PI4KA: variants seen among roughly 807,000 people sequenced by gnomAD.
PI4KA encodes phosphatidylinositol 4-kinase alpha.
Under a neutral mutation model 271.4 loss-of-function variants are expected in PI4KA, and 122 were observed. The observed-to-expected ratio is 0.45, with a 90% confidence interval of 0.39 to 0.52. PI4KA has a LOEUF of 0.52. Among genes scored for constraint, PI4KA ranks in the 20% least tolerant of loss-of-function variants. The pLI is 0.00. For missense variants in PI4KA, 1,969 were observed against 2,769.1 expected, an observed-to-expected ratio of 0.71 and a Z score of 6.48; for synonymous variants, 1,041 against 1,078.8, an observed-to-expected ratio of 0.96 and a Z score of 0.69.
intron 7 of PI4KA, 35 bp downstream of exon 7, chr22:20,818,448 T>A: frequency 6.6e-7 from 1 of 1,505,838 alleles, no homozygotes; most frequent in Non-Finnish European, 9.1e-7. Flanking sequence ...CTCCAAGTAT[T>A]ACGTCAAAAT....
intron 1 of PI4KA, among the ~76,000 whole-genome samples, chr22:20,846,024 G>A (rs760891733): frequency 1.1e-4 from 16 of 151,928 alleles, no homozygotes; most frequent in Non-Finnish European, 2.2e-4. Context: ...TTGGGAGGCC[G>A]AGGCGGGCGG....
intron 3 of PI4KA, among the ~76,000 whole-genome samples, chr22:20,825,028 C>A (rs1923217788): frequency 8.1e-6 from 1 of 122,706 alleles, no homozygotes; most frequent in South Asian, 2.6e-4. Flanking sequence ...CGAGATCGCA[C>A]CACTGTACTC....
chr22:20,851,557 C>T (rs922077199), intron 1 of PI4KA, among the ~76,000 whole-genome samples: 5 of 152,082 alleles, frequency 3.3e-5, no homozygotes, highest in Non-Finnish European at 7.4e-5. Context: ...AGGCTGGTCT[C>T]GAACTCCTGA....
At chr22:20,776,476 A>G (rs182386582) in intron 19 of PI4KA, among the ~76,000 whole-genome samples, 10 of 152,378 alleles carry the variant, frequency 6.6e-5, no homozygotes, top group African/African-American at 2.4e-4. Flanking sequence ...CTGCTCCAAA[A>G]TGTGCAATTC....
At chr22:20,759,387 T>TTTTTC (rs1221794455) in intron 23 of PI4KA, among the ~76,000 whole-genome samples, 33 of 150,266 alleles carry the variant, frequency 2.2e-4, no homozygotes, top group African/African-American at 6.2e-4. Context: ...TTGATTTTTC[T>TTTTTC]TTTTCTTTTC....
intron 36 of PI4KA, among the ~76,000 whole-genome samples, chr22:20,731,135 C>G (rs1358961317): frequency 6.6e-6 from 1 of 152,110 alleles, no homozygotes; most frequent in Non-Finnish European, 1.5e-5. Flanking sequence ...GCTATGATTA[C>G]ACTATTGCAC....
chr22:20,712,748 A>G lies in PI4KA; in HGVS notation c.5621T>C (p.Leu1874Pro). The stretch of plus-strand genomic sequence containing the variant: ...AAAAACAAAGAGGTCCAGGCCGACC[A>G]GCTGGAAGATGTTCTTGAAGAGGTC... ...IIDLFKNIFQ[L>P]VGLDLFVFPY... The change falls in exon 49 of 55, where the codon CTG becomes CCG. Residue 1874 changes from leucine to proline, a missense_variant. Transcript: ENST00000255882. The G allele has an allele frequency of 6.4e-7, 1 of 1,551,474 alleles. No individual in the cohort carries two copies. Among genetic ancestry groups the G allele is most frequent in the Non-Finnish European group, 8.7e-7 (1 of 1,147,948 alleles).
chr22:20,747,961 C>A (rs1930291097), intron 28 of PI4KA, among the ~76,000 whole-genome samples: 1 of 152,084 alleles, frequency 6.6e-6, no homozygotes, highest in African/African-American at 2.4e-5. Flanking sequence ...GGCTTGAATT[C>A]CTGGGCTCAA....
At chr22:20,758,945 C>T (rs1297506214) in intron 23 of PI4KA, among the ~76,000 whole-genome samples, 4 of 152,212 alleles carry the variant, frequency 2.6e-5, no homozygotes, top group Non-Finnish European at 5.9e-5. Context: ...TAAATTCATG[C>T]ACCTGACTTC....
intron 19 of PI4KA, among the ~76,000 whole-genome samples, chr22:20,774,634 G>A (rs1181751649): frequency 4.6e-5 from 7 of 151,964 alleles, no homozygotes; most frequent in South Asian, 2.1e-4. Context: ...GGTGGCACGC[G>A]CCTGTAATCC....
At chr22:20,743,684 A>G (rs1929727399) in intron 30 of PI4KA, among the ~76,000 whole-genome samples, 1 of 152,204 alleles carries the variant, frequency 6.6e-6, no homozygotes, top group African/African-American at 2.4e-5. Flanking sequence ...TACAAGTGAC[A>G]GAGTGCTAAG....
intron 1 of PI4KA, among the ~76,000 whole-genome samples, chr22:20,852,363 G>A (rs1169641821): frequency 6.6e-6 from 1 of 152,126 alleles, no homozygotes; most frequent in African/African-American, 2.4e-5. Flanking sequence ...AGGGCACTGA[G>A]GGAAGGCTAC....
intron 17 of PI4KA, among the ~76,000 whole-genome samples, 166 bp from the exon 18 acceptor site, chr22:20,796,480 C>T (rs1934995109): frequency 6.6e-6 from 1 of 152,256 alleles, no homozygotes; most frequent in African/African-American, 2.4e-5. Flanking sequence ...AAGAACATGT[C>T]ATCTTCGTGA....
At chr22:20,813,209 A>G in intron 8 of PI4KA, 149 bp downstream of exon 8, 1 of 617,006 alleles carries the variant, frequency 1.6e-6, no homozygotes, top group Non-Finnish European at 2.9e-6. Context: ...ATGTTACTCT[A>G]CTTCCTTCAT....
intron 1 of PI4KA, among the ~76,000 whole-genome samples, chr22:20,845,743 T>A (rs1468069659): frequency 1.3e-5 from 2 of 152,180 alleles, no homozygotes; most frequent in African/African-American, 4.8e-5. Context: ...GAAGTGCCTG[T>A]AATCCCAGCT....
chr22:20,715,400 A>G (rs1925859561), intron 45 of PI4KA, among the ~76,000 whole-genome samples: 1 of 150,830 alleles, frequency 6.6e-6, no homozygotes, highest in African/African-American at 2.4e-5. Context: ...TACTCTCTCA[A>G]AAGGCTTACT....
chr22:20,727,198 C>G (rs1350910298), intron 41 of PI4KA, 32 bp downstream of exon 41: 1 of 1,595,182 alleles, frequency 6.3e-7, no homozygotes, highest in Non-Finnish European at 8.5e-7. Context: ...ACAGTCCTAC[C>G]AGAGGCCAGC....
Position 20,765,674 on chromosome 22 carries a change from G to T in PI4KA, c.2348C>A (p.Pro783His). ...TAACCGAGGCTTAGCTTCTTTGATGGGTGGCAGTCGTCGGGTGAGCTGATG... is the reference window on the plus strand; with the variant it reads ...TAACCGAGGCTTAGCTTCTTTGATGTGTGGCAGTCGTCGGGTGAGCTGATG... ...VIAVLTRRLPPIKEAKPRLQK... is the reference protein window; with the variant it reads ...VIAVLTRRLPHIKEAKPRLQK... The change falls in exon 20 of 55, where the codon CCC becomes CAC. Residue 783 changes from proline to histidine, a missense_variant. Physicochemically the swap from Pro to His is moderately conservative, Grantham distance 77 (BLOSUM62 -2). This residue lies in a region of PI4KA where 368 missense variants were observed against 544.3 expected (regional missense o/e 0.68). Transcript: ENST00000255882. The T allele has an allele frequency of 6.2e-7, 1 of 1,610,776 alleles. No individual in the cohort carries two copies. The highest frequency in any genetic ancestry group is 8.5e-7 in the Non-Finnish European group (1 of 1,177,164).
intron 22 of PI4KA, among the ~76,000 whole-genome samples, chr22:20,762,232 C>G (rs1932041660): frequency 6.6e-6 from 1 of 152,194 alleles, no homozygotes; most frequent in Admixed American, 6.5e-5. Flanking sequence ...CTTTTGGCCT[C>G]TGCACCAACC....
Sources: allele counts gnomAD v4.1 joint callset (sites outside exome capture counted in the v4.1 genomes callset), GRCh38; gene constraint gnomAD v4.1.1; regional missense constraint gnomAD v4.1.1; transcripts MANE v1.5; gene names NCBI Gene and HGNC (gene_info 2026-07-23, HGNC 2026-07-21).